TRAPPC9: variants seen among roughly 807,000 people sequenced by gnomAD.
TRAPPC9 encodes IKK2 binding protein.
TRAPPC9 carries 83 observed loss-of-function variants against 124.0 expected under a neutral mutation model. That is an observed-to-expected ratio of 0.67 (90% CI 0.56 to 0.80). The LOEUF (loss-of-function observed/expected upper bound fraction) is 0.80. Among genes scored for constraint, TRAPPC9 ranks in the 30% least tolerant of loss-of-function variants. The pLI is 0.00. For missense variants in TRAPPC9, 1,302 were observed against 1,508.3 expected (o/e 0.86, Z 2.27); for synonymous variants, 638 against 617.5 (o/e 1.03, Z -0.49).
rs575704795 is a variant in TRAPPC9 at position 139,953,779 on chromosome 8, C to T, written c.2810+34947G>A. ...ATACTTCACCAACAAAATCTACAGACGGCAAGCAGACATATAAAAATGCTT... is the reference window on the plus strand; with the variant it reads ...ATACTTCACCAACAAAATCTACAGATGGCAAGCAGACATATAAAAATGCTT... On this transcript the variant is annotated intron_variant, in intron 19 of 22. Transcript: ENST00000438773. 2.6e-5 allele frequency among the ~76,000 whole-genome samples: 4 copies of T among 152,254 alleles called. No individual in the cohort carries two copies. The South Asian group carries it at 8.3e-4, about 32-fold the overall frequency.
chr8:140,342,180 G>A (rs1009139196), intron 9 of TRAPPC9, among the ~76,000 whole-genome samples: 19 of 152,156 alleles, frequency 1.2e-4, no homozygotes, highest in Non-Finnish European at 1.0e-4. Flanking sequence ...TGCACTGCTG[G>A]GGAGAGGACA....
chr8:139,869,005 A>C (rs1210082822), intron 21 of TRAPPC9, among the ~76,000 whole-genome samples: 1 of 152,242 alleles, frequency 6.6e-6, no homozygotes, highest in Non-Finnish European at 1.5e-5. Flanking sequence ...ATTATCACAC[A>C]GAACAAAACC....
chr8:140,253,992 G>A (rs1588020173), intron 15 of TRAPPC9, among the ~76,000 whole-genome samples: 1 of 152,318 alleles, frequency 6.6e-6, no homozygotes, highest in South Asian at 2.1e-4. Context: ...CCACAGCACT[G>A]TAAGAACCTC....
rs1236811825 is a variant in TRAPPC9 at position 140,360,045 on chromosome 8, C to T, written c.1495+5G>A. 1 of 1,614,018 alleles carries T rather than the reference C, an allele frequency of 6.2e-7. No individual in the cohort carries two copies. ...AAAAAAACATTGTGGTTTGAGCTCA[C>T]TCACCCTGATCCGACAAGAAGTCCA... On this transcript the variant is annotated splice_donor_5th_base_variant and intron_variant, in intron 9 of 22. Coordinates refer to ENST00000438773, the MANE Select transcript of TRAPPC9 (RefSeq NM_001160372.4).
chr8:140,109,129 T>A (rs1314075811), intron 17 of TRAPPC9, among the ~76,000 whole-genome samples: 1 of 152,208 alleles, frequency 6.6e-6, no homozygotes, highest in Admixed American at 6.5e-5. Flanking sequence ...ATGAAAGTGA[T>A]GCCTCACAAG....
chr8:140,379,016 ATTG>A (rs2068526566), intron 7 of TRAPPC9, among the ~76,000 whole-genome samples: 1 of 152,090 alleles, frequency 6.6e-6, no homozygotes. Context: ...GGACCACTAT[ATTG>A]TCAAAACAAA....
rs1285804412 is a variant in TRAPPC9, at chr8:139,788,064, G to C, written c.3056-55862C>G. 6.6e-6 allele frequency among the ~76,000 whole-genome samples: 1 copy of C among 152,166 alleles called. No homozygotes were observed. The highest frequency in any genetic ancestry group is 2.4e-5 in the African/African-American group (1 of 41,436). On this transcript the variant is annotated intron_variant, in intron 21 of 22. Coordinates refer to ENST00000438773, the MANE Select transcript of TRAPPC9 (RefSeq NM_001160372.4). This position sits in a 1 kb window ranked among gnomAD's most constrained non-coding sequence, Gnocchi z 4.9. ...ACAAAGGGCATGGACTCAGAACTAG[G>C]AACCCGAATTCCAACCAGGCTTCAG... is the stretch of plus-strand genomic sequence containing the variant.
At chr8:140,224,816 C>G (rs901877052) in intron 16 of TRAPPC9, among the ~76,000 whole-genome samples, 1 of 152,192 alleles carries the variant, frequency 6.6e-6, no homozygotes, top group Non-Finnish European at 1.5e-5. Flanking sequence ...TAATGGAAAG[C>G]AAGTACGTCT....
chr8:139,780,292 G>C (rs1238381915), intron 21 of TRAPPC9, among the ~76,000 whole-genome samples: 5 of 152,132 alleles, frequency 3.3e-5, no homozygotes, highest in African/African-American at 4.8e-5. Flanking sequence ...AAGACAATGT[G>C]GTATTGGTGA....
At chr8:140,422,085 A>G (rs2070235819) in intron 5 of TRAPPC9, among the ~76,000 whole-genome samples, 1 of 151,700 alleles carries the variant, frequency 6.6e-6, no homozygotes, top group African/African-American at 2.4e-5. Flanking sequence ...GGTGGTTAAG[A>G]GGATAAATCC....
chr8:139,879,793 G>A (rs111376705), intron 21 of TRAPPC9, among the ~76,000 whole-genome samples: 67 of 152,346 alleles, frequency 4.4e-4, no homozygotes, highest in African/African-American at 1.5e-3. Flanking sequence ...TACATGGCAA[G>A]GAATTATTTG....
At chr8:139,878,244 C>A (rs1170921376) in intron 21 of TRAPPC9, among the ~76,000 whole-genome samples, 4 of 152,144 alleles carry the variant, frequency 2.6e-5, no homozygotes, top group Admixed American at 2.6e-4. Flanking sequence ...ATACTTTTGT[C>A]AAGCGTAAAA....
At chr8:140,426,986 C>T (rs62527774) in intron 4 of TRAPPC9, among the ~76,000 whole-genome samples, 2,378 of 151,028 alleles carry the variant, frequency 0.016, 31 homozygotes, top group Non-Finnish European at 0.023. Flanking sequence ...AGTGCAGTGG[C>T]GTGATCTCAG....
intron 6 of TRAPPC9, among the ~76,000 whole-genome samples, chr8:140,404,808 ATG>A (rs981935868): frequency 1.3e-5 from 2 of 150,436 alleles, no homozygotes; most frequent in African/African-American, 4.9e-5. Context: ...GTGTGTGAAC[ATG>A]TGTGTATGTG....
chr8:140,213,024 G>A (rs987209653), intron 17 of TRAPPC9, among the ~76,000 whole-genome samples: 2 of 150,900 alleles, frequency 1.3e-5, no homozygotes, highest in Non-Finnish European at 2.9e-5. Context: ...AGCCAAGATC[G>A]TGCCACTGCA....
At chr8:139,748,227 G>A (rs1819063746) in intron 21 of TRAPPC9, among the ~76,000 whole-genome samples, 1 of 72,426 alleles carries the variant, frequency 1.4e-5, no homozygotes, top group African/African-American at 9.1e-5. Context: ...GAAGATGCAG[G>A]GGGTATACAC....
At chr8:140,199,095 G>A (rs896990769) in intron 17 of TRAPPC9, among the ~76,000 whole-genome samples, 3 of 152,238 alleles carry the variant, frequency 2.0e-5, no homozygotes, top group African/African-American at 7.2e-5. Context: ...GAGAAGAATG[G>A]GTGGAGCTGG....
chr8:140,138,433 CG>C (rs537442959), intron 17 of TRAPPC9, among the ~76,000 whole-genome samples: 169 of 152,230 alleles, frequency 1.1e-3, no homozygotes, highest in South Asian at 2.3e-3. Context: ...AGAAGGGGCT[CG>C]GGAGAGGTAA....
Position 140,439,095 on chromosome 8 carries a change from C to T in TRAPPC9, c.687G>A (p.Ser229=), listed in dbSNP as rs776317177. The T allele has an allele frequency of 3.1e-5, 50 of 1,614,112 alleles. No homozygotes were observed. The highest frequency in any genetic ancestry group is 1.8e-4 in the South Asian group (16 of 91,090). The change falls in exon 3 of 23, where the codon TCG becomes TCA. Residue 229 remains serine, a synonymous_variant. Coordinates refer to ENST00000438773, the MANE Select transcript of TRAPPC9 (RefSeq NM_001160372.4). ...CATTCACAGAACGCAGCAGCTCCAC[C>T]GACATGTGGTAATGCACCAGGGAGT... ...LQDSLVHYHM[S]VELLRSVNDF... is the part of the protein sequence containing the mutation.
Sources: allele counts gnomAD v4.1 joint callset (sites outside exome capture counted in the v4.1 genomes callset), GRCh38; gene constraint gnomAD v4.1.1; non-coding constraint Gnocchi (gnomAD v3.1); transcripts MANE v1.5; gene names NCBI Gene and HGNC (gene_info 2026-07-23, HGNC 2026-07-21).